Variants in PRAG1 observed in about 807,000 individuals in gnomAD.
The protein encoded by PRAG1 is PEAK1 related, kinase-activating pseudokinase 1, also known as inactive tyrosine-protein kinase PRAG1.
PRAG1 carries 110 observed loss-of-function variants against 95.6 expected under a neutral mutation model. The observed-to-expected ratio is 1.15, with a 90% CI of 0.99 to 1.35. The LOEUF is 1.35. PRAG1 is among the 40% of genes most tolerant of loss of function. PRAG1 has a pLI of 0.00. For synonymous variants in PRAG1, 1,052 were observed against 819.4 expected (o/e 1.28, Z -4.85); for missense variants, 2,554 against 1,864.7 (o/e 1.37, Z -6.81).
rs893014562 is a variant in PRAG1, at chr8:8,381,846, G to T, written c.-87-12C>A. ...CACAGAGCGGCTTCCTAGAAAGGCA[G>T]GACAGTTTCCTGATTAGAGATTTGC... is the stretch of plus-strand genomic sequence containing the variant. On this transcript the variant is annotated splice_polypyrimidine_tract_variant and intron_variant, in intron 1 of 5. Coordinates refer to ENST00000615670, the MANE Select transcript of PRAG1 (RefSeq NM_001080826.3). 6.4e-6 allele frequency: 6 copies of T among 942,422 alleles called. No homozygotes were observed. The highest frequency in any genetic ancestry group is 2.9e-5 in the Admixed American group (1 of 34,220). 58.4% of individuals were successfully genotyped at this position (942,422 alleles called of 1,614,324 possible). A position where few individuals can be genotyped will look rare whatever the true frequency, so the allele number is the denominator to read the frequency against.
intron 3 of PRAG1, among the ~76,000 whole-genome samples, chr8:8,340,824 CTG>C (rs1352571112): frequency 1.3e-5 from 2 of 151,964 alleles, no homozygotes; most frequent in Non-Finnish European, 2.9e-5. Context: ...TACTTTTAAA[CTG>C]TGTTAAATCT....
At chr8:8,327,613 T>C in intron 5 of PRAG1, 97 bp downstream of exon 5, 2 of 1,368,202 alleles carry the variant, frequency 1.5e-6, no homozygotes, top group Non-Finnish European at 2.0e-6. Context: ...CCCCTCCTAA[T>C]GCCCAGACAG....
chr8:8,376,232 G>C lies in PRAG1; in HGVS notation c.2162+15C>G. On this transcript the variant is annotated intron_variant, in intron 3 of 5. Transcript: ENST00000615670. ...TGCCCTGCAGACAGAGTCCCAGGCA[G>C]ACAATGGTACTCACCGCGACTTTGG... is the stretch of plus-strand genomic sequence containing the variant. 6.2e-7 allele frequency: 1 copy of C among 1,607,364 alleles called. No individual in the cohort carries two copies. Among genetic ancestry groups the C allele is most frequent in the Non-Finnish European group, 8.5e-7 (1 of 1,176,858 alleles).
At chr8:8,338,336 T>A (rs964115471) in intron 4 of PRAG1, among the ~76,000 whole-genome samples, 2 of 152,222 alleles carry the variant, frequency 1.3e-5, no homozygotes, top group Admixed American at 1.3e-4. Flanking sequence ...CACCCGCTGG[T>A]TGGTGACTGA....
Position 8,376,713 on chromosome 8 carries a change from G to A in PRAG1, c.1696C>T (p.Pro566Ser). The A allele has an allele frequency of 6.2e-7, 1 of 1,610,736 alleles. No individual in the cohort carries two copies. The highest frequency in any genetic ancestry group is 1.1e-5 in the South Asian group (1 of 91,052). Reference protein sequence around the residue: ...SPVSPSAGGPPVSPLADLSDG... With the variant: ...SPVSPSAGGPSVSPLADLSDG... ...CTAAGGTCAGCCAGCGGTGACACTG[G>A]GGGCCCTCCAGCAGACGGTGACACC... The change falls in exon 3 of 6, where the codon CCA becomes TCA. Residue 566 changes from proline (P) to serine (S), a missense_variant. Coordinates refer to ENST00000615670, the MANE Select transcript of PRAG1 (RefSeq NM_001080826.3).
chr8:8,357,303 CA>C (rs1799712344), intron 3 of PRAG1, among the ~76,000 whole-genome samples: 1 of 151,734 alleles, frequency 6.6e-6, no homozygotes, highest in Non-Finnish European at 1.5e-5. Flanking sequence ...GGTTAATATC[CA>C]AAATAAACAA....
At chr8:8,331,389 T>C (rs2979216) in intron 4 of PRAG1, among the ~76,000 whole-genome samples, 31,954 of 152,014 alleles carry the variant, frequency 0.21, 3,715 homozygotes, top group African/African-American at 0.31. Context: ...CAGCCTGCCC[T>C]GCCTGAGTTT....
chr8:8,330,762 G>A (rs924576139), intron 4 of PRAG1, among the ~76,000 whole-genome samples: 2 of 152,196 alleles, frequency 1.3e-5, no homozygotes, highest in African/African-American at 4.8e-5. Context: ...CCCCAGGAAA[G>A]CAATGGGGAC....
rs373455081 is a variant in PRAG1 at position 8,318,532 on chromosome 8, G to T, written c.3843C>A (p.Asp1281Glu). 4.3e-6 allele frequency: 7 copies of T among 1,613,304 alleles called. No homozygotes were observed. Residue 1281 changes from aspartate to glutamate, a missense_variant, in exon 6 of 6, where the codon GAC (aspartate) becomes GAA (glutamate). By Grantham distance (45) the Asp-to-Glu change is conservative (BLOSUM62 2). Coordinates refer to ENST00000615670, the MANE Select transcript of PRAG1 (RefSeq NM_001080826.3). The surrounding 1 kb of genome is among the most constrained non-coding windows in gnomAD (Gnocchi z 4.2). ...GCGGCGGCAGGTCCTCCTGCCGGTA[G>T]TCTCTCTCCCGCAGCTGGGCGCGCA... is the stretch of plus-strand genomic sequence containing the variant. ...FEVRAQLRER[D>E]YRQEDLPPLP...
chr8:8,319,037 G>C lies in PRAG1; in HGVS notation c.3338C>G (p.Ala1113Gly). 2 of 1,613,076 alleles carry C rather than the reference G, an allele frequency of 1.2e-6. No homozygotes were observed. Among genetic ancestry groups the C allele is most frequent in the South Asian group, 2.2e-5 (2 of 91,056 alleles). Reference protein sequence around the residue: ...FVRDSAASHQAEPEAYERRVC... With the variant: ...FVRDSAASHQGEPEAYERRVC... ...GCGCCGCTCGTACGCCTCGGGCTCC[G>C]CCTGGTGGCTGGCCGCCGAGTCCCG... The change falls in exon 6 of 6, where the codon GCG becomes GGG. Residue 1113 changes from alanine to glycine, a missense_variant. Ala to Gly is a moderately conservative substitution (Grantham distance 60). Transcript: ENST00000615670.
chr8:8,373,588 G>A (rs1001050727), intron 3 of PRAG1, among the ~76,000 whole-genome samples: 5 of 151,832 alleles, frequency 3.3e-5, no homozygotes, highest in Non-Finnish European at 1.5e-5. Context: ...AAGCTGGGAT[G>A]ACAGGCATGT....
At chr8:8,373,070 T>C (rs1280211799) in intron 3 of PRAG1, among the ~76,000 whole-genome samples, 1 of 152,234 alleles carries the variant, frequency 6.6e-6, no homozygotes, top group East Asian at 1.9e-4. Context: ...TGTATGTTGC[T>C]TGAAGACCTT....
At chr8:8,322,184 T>A (rs1269228048) in intron 5 of PRAG1, among the ~76,000 whole-genome samples, 1 of 152,108 alleles carries the variant, frequency 6.6e-6, no homozygotes, top group African/African-American at 2.4e-5. Context: ...TGTTTTGTTT[T>A]GTTTTGTTTT....
At chr8:8,357,437 G>C (rs919613300) in intron 3 of PRAG1, among the ~76,000 whole-genome samples, 4 of 152,154 alleles carry the variant, frequency 2.6e-5, no homozygotes, top group African/African-American at 9.7e-5. Context: ...CACATAAAAA[G>C]ATACTCAACA....
intron 3 of PRAG1, among the ~76,000 whole-genome samples, chr8:8,369,871 T>TGG (rs1800135095): frequency 6.6e-6 from 1 of 152,066 alleles, no homozygotes; most frequent in Non-Finnish European, 1.5e-5. Flanking sequence ...TATAAGAACC[T>TGG]GTCTCAACAA....
At chr8:8,324,399 G>T (rs896466059) in intron 5 of PRAG1, among the ~76,000 whole-genome samples, 1 of 152,208 alleles carries the variant, frequency 6.6e-6, no homozygotes, top group Non-Finnish European at 1.5e-5. Flanking sequence ...CTGGGCCTTT[G>T]GCAAGACCCG....
chr8:8,367,203 T>C (rs1374357481), intron 3 of PRAG1, among the ~76,000 whole-genome samples: 2 of 151,940 alleles, frequency 1.3e-5, no homozygotes. Context: ...TACCATCCTT[T>C]TGATCTGTAC....
chr8:8,322,469 A>C (rs187422611), intron 5 of PRAG1, among the ~76,000 whole-genome samples: 2 of 152,280 alleles, frequency 1.3e-5, no homozygotes, highest in South Asian at 2.1e-4. Flanking sequence ...ATGTAAACCC[A>C]AAAATAAAAT....
intron 4 of PRAG1, among the ~76,000 whole-genome samples, chr8:8,328,848 T>C (rs1359586059): frequency 6.6e-6 from 1 of 152,228 alleles, no homozygotes; most frequent in Non-Finnish European, 1.5e-5. Context: ...GAATAATGCT[T>C]TTCTTTCACA....
Sources: allele counts gnomAD v4.1 joint callset (sites outside exome capture counted in the v4.1 genomes callset), GRCh38; gene constraint gnomAD v4.1.1; non-coding constraint Gnocchi (gnomAD v3.1); transcripts MANE v1.5; gene names NCBI Gene and HGNC (gene_info 2026-07-23, HGNC 2026-07-21).